ATP8A2: variants seen among roughly 807,000 people sequenced by gnomAD.
The protein encoded by ATP8A2 is ATPase phospholipid transporting 8A2, also known as phospholipid-transporting ATPase IB.
Under a neutral mutation model 165.6 loss-of-function variants are expected in ATP8A2, and 100 were observed. That is an observed-to-expected ratio of 0.60 (90% CI 0.51 to 0.71). The LOEUF (loss-of-function observed/expected upper bound fraction) is 0.71, where lower values mean the gene tolerates loss of function less well. ATP8A2 is among the 30% of genes least tolerant of loss of function. The probability of loss-of-function intolerance (pLI) is 0.00; values close to 1 mark genes in which losing one functional copy is unlikely to be tolerated. For missense variants in ATP8A2, 1,227 were observed against 1,479.5 expected, an observed-to-expected ratio of 0.83 and a Z score of 2.80; for synonymous variants, 543 against 548.8, an observed-to-expected ratio of 0.99 and a Z score of 0.15.
At chr13:25,582,669 T>A (rs1185367328) in intron 23 of ATP8A2, among the ~76,000 whole-genome samples, 2 of 152,232 alleles carry the variant, frequency 1.3e-5, no homozygotes, top group Non-Finnish European at 2.9e-5. Context: ...TATCTGTTTC[T>A]ATGTCAGTGC....
chr13:25,614,145 T>C (rs2138455971), intron 24 of ATP8A2, among the ~76,000 whole-genome samples: 1 of 152,292 alleles, frequency 6.6e-6, no homozygotes, highest in East Asian at 1.9e-4. Flanking sequence ...CAGATTTTTC[T>C]TCTTCTTTGG....
rs145354670 is a variant in ATP8A2 at position 25,970,574 on chromosome 13, C to G, written c.3377+1895C>G. ...CTGGCTTTGCTACCTACCGGTGAGG[C>G]CTTGTGCAGGATATTTCATATGATC... On this transcript the variant is annotated intron_variant, in intron 35 of 36. Transcript: ENST00000381655. 1.5e-3 allele frequency among the ~76,000 whole-genome samples: 225 copies of G among 152,300 alleles called. 1 individual carries two copies. Among genetic ancestry groups the G allele is most frequent in the African/African-American group, 5.3e-3 (221 of 41,578 alleles).
rs188169128 is a variant in ATP8A2 at position 26,009,198 on chromosome 13, C to T, written c.3378-3333C>T. ...ATTTGCAGGACTTGGTATAAGAGTA[C>T]CAGTGGAGACCTTGAACCACACATA... On this transcript the variant is annotated intron_variant, in intron 35 of 36. Coordinates refer to ENST00000381655, the MANE Select transcript of ATP8A2 (RefSeq NM_016529.6). Among the ~76,000 whole-genome samples, 8 of 152,204 alleles carry T rather than the reference C, an allele frequency of 5.3e-5. No homozygotes were observed. The East Asian group carries it at 1.3e-3, about 26-fold the overall frequency.
chr13:25,968,846 C>A (rs1955847657), intron 35 of ATP8A2, among the ~76,000 whole-genome samples, 167 bp downstream of exon 35: 1 of 152,156 alleles, frequency 6.6e-6, no homozygotes, highest in Non-Finnish European at 1.5e-5. Context: ...TCAGTGACTA[C>A]ATGAAACCTA....
chr13:25,932,887 C>T (rs559445054), intron 33 of ATP8A2, among the ~76,000 whole-genome samples: 26 of 152,314 alleles, frequency 1.7e-4, no homozygotes, highest in African/African-American at 6.3e-4. Flanking sequence ...CACTCTGTCA[C>T]CCAGGCTGGG....
chr13:25,914,013 G>C (rs1309619636), intron 33 of ATP8A2, among the ~76,000 whole-genome samples: 2 of 152,108 alleles, frequency 1.3e-5, no homozygotes, highest in South Asian at 4.1e-4. Flanking sequence ...CTCAGCATTA[G>C]ACCAAAAGAC....
At chr13:25,985,264 C>CA (rs919756406) in intron 35 of ATP8A2, among the ~76,000 whole-genome samples, 3 of 152,096 alleles carry the variant, frequency 2.0e-5, no homozygotes, top group Non-Finnish European at 2.9e-5. Context: ...AAAAAGCACA[C>CA]AAAAAAATAA....
At position 25,860,880 on chromosome 13, in the gene ATP8A2, G is replaced by T; in HGVS notation, c.3075+20G>T. On this transcript the variant is annotated intron_variant, in intron 32 of 36. Coordinates refer to ENST00000381655, the MANE Select transcript of ATP8A2 (RefSeq NM_016529.6). ...ACTAAAGTAAGTTTTCTCTAGAATT[G>T]TTTCTCTGTTCAGTATAGATATTTT... The T allele has an allele frequency of 4.6e-6, 7 of 1,537,568 alleles. No individual in the cohort carries two copies. Among genetic ancestry groups the T allele is most frequent in the Non-Finnish European group, 6.2e-6 (7 of 1,121,654 alleles).
chr13:25,394,313 C>G (rs2033346897), intron 1 of ATP8A2, among the ~76,000 whole-genome samples: 1 of 152,216 alleles, frequency 6.6e-6, no homozygotes, highest in Admixed American at 6.5e-5. Flanking sequence ...AAGTTGGATT[C>G]AGGCAGGCAT....
At chr13:25,959,586 C>T (rs978507028) in intron 33 of ATP8A2, among the ~76,000 whole-genome samples, 2 of 152,230 alleles carry the variant, frequency 1.3e-5, no homozygotes, top group African/African-American at 2.4e-5. Context: ...AATTTTGAAG[C>T]TTGGGCCAGT....
chr13:25,996,400 G>A (rs570188620), intron 35 of ATP8A2, among the ~76,000 whole-genome samples: 1 of 152,126 alleles, frequency 6.6e-6, no homozygotes, highest in Non-Finnish European at 1.5e-5. Flanking sequence ...ACATAATTTG[G>A]AGAAATCAAG....
chr13:25,438,696 G>T (rs904641446), intron 1 of ATP8A2, among the ~76,000 whole-genome samples: 8 of 152,008 alleles, frequency 5.3e-5, no homozygotes, highest in Admixed American at 4.6e-4. Context: ...AAAAGAGAAA[G>T]AAAAGAACAT....
chr13:25,945,037 T>C (rs1168160203), intron 33 of ATP8A2, among the ~76,000 whole-genome samples: 1 of 152,114 alleles, frequency 6.6e-6, no homozygotes, highest in Non-Finnish European at 1.5e-5. Context: ...AACCAAGACC[T>C]GCCTCTCACT....
chr13:25,553,645 C>A, intron 11 of ATP8A2, 148 bp from the exon 12 acceptor site: 3 of 726,538 alleles, frequency 4.1e-6, no homozygotes, highest in Non-Finnish European at 6.9e-6. Flanking sequence ...CATTGTGGGG[C>A]CTGTGTGCCT....
chr13:25,506,751 G>T (rs2037049537), intron 2 of ATP8A2, among the ~76,000 whole-genome samples: 1 of 152,058 alleles, frequency 6.6e-6, no homozygotes, highest in African/African-American at 2.4e-5. Context: ...CACCATGCCT[G>T]GCCTGAAGGT....
chr13:25,405,270 G>A (rs562086068), intron 1 of ATP8A2, among the ~76,000 whole-genome samples: 1 of 152,308 alleles, frequency 6.6e-6, no homozygotes, highest in Non-Finnish European at 1.5e-5. Context: ...GCTTCAAGGG[G>A]AGGGATGGGA....
At chr13:25,401,530 A>G (rs1048588957) in intron 1 of ATP8A2, among the ~76,000 whole-genome samples, 3 of 152,078 alleles carry the variant, frequency 2.0e-5, no homozygotes, top group East Asian at 1.9e-4. Context: ...ACCATTTTTC[A>G]TTATTATTCT....
At chr13:25,374,801 G>A (rs1417294752) in intron 1 of ATP8A2, among the ~76,000 whole-genome samples, 2 of 152,092 alleles carry the variant, frequency 1.3e-5, no homozygotes, top group Non-Finnish European at 2.9e-5. Flanking sequence ...GGAAACAGGG[G>A]CAGAGGGCCT....
intron 33 of ATP8A2, among the ~76,000 whole-genome samples, chr13:25,959,991 T>A (rs1323620494): frequency 6.6e-6 from 1 of 152,252 alleles, no homozygotes; most frequent in African/African-American, 2.4e-5. Flanking sequence ...AGTCCTCCCA[T>A]TCCAGGGTTG....
Sources: allele counts gnomAD v4.1 joint callset (sites outside exome capture counted in the v4.1 genomes callset), GRCh38; gene constraint gnomAD v4.1.1; transcripts MANE v1.5; gene names NCBI Gene and HGNC (gene_info 2026-07-23, HGNC 2026-07-21).